The following ABI2 variants were observed in gnomAD, a reference collection of about 807,000 sequenced individuals.
ABI2 encodes abl interactor 2.
In ABI2, 25 loss-of-function variants were observed where a neutral mutation model predicts 59.2. The observed-to-expected ratio is 0.42, with a 90% CI of 0.31 to 0.59. The LOEUF is 0.59. Ranked by LOEUF, ABI2 falls within the 20% of genes least tolerant of loss-of-function variation. The pLI is 0.14. For synonymous variants in ABI2, 213 were observed against 235.5 expected, an observed-to-expected ratio of 0.90 and a Z score of 0.87; for missense variants, 545 against 681.8, an observed-to-expected ratio of 0.80 and a Z score of 2.23.
intron 6 of ABI2, 63 bp downstream of exon 6, chr2:203,394,909 T>C (rs2096910981): frequency 6.5e-7 from 1 of 1,540,626 alleles, no homozygotes; most frequent in African/African-American, 1.4e-5. Flanking sequence ...TCAGATTACT[T>C]CAGGTAAATC....
intron 1 of ABI2, among the ~76,000 whole-genome samples, chr2:203,348,209 G>A (rs1367407982): frequency 6.6e-6 from 1 of 152,136 alleles, no homozygotes; most frequent in Admixed American, 6.6e-5. Context: ...CCACTGCACT[G>A]TAGCCTGGGG....
chr2:203,378,814 GT>G (rs2095892182), intron 2 of ABI2, among the ~76,000 whole-genome samples: 1 of 152,076 alleles, frequency 6.6e-6, no homozygotes, highest in East Asian at 1.9e-4. Flanking sequence ...TTTTAGTGAA[GT>G]GATTTTTCAA....
chr2:203,336,326 A>G (rs1219828714), intron 1 of ABI2, among the ~76,000 whole-genome samples: 4 of 152,192 alleles, frequency 2.6e-5, no homozygotes, highest in Non-Finnish European at 5.9e-5. Context: ...GAAAAGATCA[A>G]CTGTTGTACC....
intron 8 of ABI2, among the ~76,000 whole-genome samples, chr2:203,401,329 CTTCTCCACCTGCTTAT>C (rs1253860184): frequency 6.6e-6 from 1 of 151,916 alleles, no homozygotes; most frequent in Non-Finnish European, 1.5e-5. Context: ...TTTCCGCTTT[CTTCTCCACCTGCTTAT>C]TTCTCCGCCT....
intron 6 of ABI2, among the ~76,000 whole-genome samples, 196 bp from the exon 7 acceptor site, chr2:203,395,460 C>T (rs1247131208): frequency 7.9e-4 from 113 of 143,820 alleles, no homozygotes; most frequent in African/African-American, 2.6e-3. Flanking sequence ...CACACACACA[C>T]ACACACACAC....
chr2:203,392,284 C>G (rs923544096), intron 5 of ABI2, among the ~76,000 whole-genome samples: 1 of 87,386 alleles, frequency 1.1e-5, no homozygotes, highest in African/African-American at 4.5e-5. Context: ...ATCACCACCA[C>G]CACCACCACC....
chr2:203,404,504 C>T (rs1298631896), intron 9 of ABI2, among the ~76,000 whole-genome samples: 2 of 152,210 alleles, frequency 1.3e-5, no homozygotes, highest in Non-Finnish European at 2.9e-5. Flanking sequence ...TTTTCAAACT[C>T]ACATTTGTTC....
At chr2:203,421,782 G>A (rs1401353573) in intron 11 of ABI2, among the ~76,000 whole-genome samples, 1 of 152,008 alleles carries the variant, frequency 6.6e-6, no homozygotes, top group East Asian at 1.9e-4. Flanking sequence ...CAGCCAACAT[G>A]GTGAAACCCC....
intron 1 of ABI2, among the ~76,000 whole-genome samples, chr2:203,340,129 C>T (rs1193321022): frequency 6.6e-6 from 1 of 152,138 alleles, no homozygotes; most frequent in Non-Finnish European, 1.5e-5. Context: ...CACAGAAAGA[C>T]AAATACCGTA....
Position 203,382,207 on chromosome 2 carries a change from G to A in ABI2, c.480+1G>A. On this transcript the variant is annotated splice_donor_variant, in intron 4 of 11. Coordinates refer to ENST00000261018, the MANE Select transcript of ABI2 (RefSeq NM_001375670.1). LOFTEE classifies it high-confidence loss of function. ...CATTAAGTGGTTGCTTAGATTTAAG[G>A]TAAGAGATTCCAGGGCTGGATTTCC... 1 of 1,527,386 alleles carries A rather than the reference G, an allele frequency of 6.5e-7. No individual in the cohort carries two copies. The highest frequency in any genetic ancestry group is 8.8e-7 in the Non-Finnish European group (1 of 1,142,802). 94.6% of individuals were successfully genotyped at this position (1,527,386 alleles called of 1,614,324 possible). A position where few individuals can be genotyped will look rare whatever the true frequency, so the allele number is the denominator to read the frequency against.
chr2:203,399,604 C>G (rs999932211), intron 8 of ABI2, among the ~76,000 whole-genome samples: 3 of 152,174 alleles, frequency 2.0e-5, no homozygotes, highest in Admixed American at 2.0e-4. Context: ...CAATCTCCGC[C>G]TCGCGGGTTC....
intron 1 of ABI2, among the ~76,000 whole-genome samples, chr2:203,350,891 T>TGTGC (rs1217974142): frequency 1.5e-3 from 190 of 124,234 alleles, no homozygotes; most frequent in African/African-American, 5.1e-3. Context: ...TGTGTGTGTG[T>TGTGC]GCGCGCGCGC....
chr2:203,350,158 C>T (rs1358495445), intron 1 of ABI2, among the ~76,000 whole-genome samples: 1 of 152,124 alleles, frequency 6.6e-6, no homozygotes, highest in Non-Finnish European at 1.5e-5. Context: ...CTCACTGTAA[C>T]CTCTGTCTCC....
intron 1 of ABI2, among the ~76,000 whole-genome samples, chr2:203,356,530 G>A (rs2092063486): frequency 1.3e-5 from 2 of 151,964 alleles, no homozygotes; most frequent in South Asian, 2.1e-4. Context: ...TGCCACGCCC[G>A]GCTAATTTTT....
rs1324707590 is a variant in ABI2 at position 203,376,112 on chromosome 2, T to G, written c.286-4096T>G. On this transcript the variant is annotated intron_variant, in intron 2 of 11. Transcript: ENST00000261018. ...TTTTGTGACCAAATTTGGAAACAAT[T>G]GCAGTTTGAGATTGAATGAGGTAAG... 2.0e-6 allele frequency: 3 copies of G among 1,534,388 alleles called. No individual in the cohort carries two copies. In the South Asian group the frequency reaches 3.6e-5, roughly 18 times the overall value.
At chr2:203,334,160 C>T (rs559404801) in intron 1 of ABI2, among the ~76,000 whole-genome samples, 3 of 151,986 alleles carry the variant, frequency 2.0e-5, no homozygotes, top group Non-Finnish European at 4.4e-5. Flanking sequence ...AGGCTGGTCT[C>T]GAATTCCTGA....
rs907909750 is a variant in ABI2 at position 203,354,083 on chromosome 2, C to T, written c.118-12794C>T. Among the ~76,000 whole-genome samples, 93 of 152,290 alleles carry T rather than the reference C, an allele frequency of 6.1e-4. 2 individuals are homozygous for T. The highest frequency in any genetic ancestry group is 3.4e-3 in the Middle Eastern group (1 of 294). ...TTTTTGAGACAAGGTTTGACTCTGT[C>T]GCCCAGGTTGGAGTGCGGTGGCGCA... On this transcript the variant is annotated intron_variant, in intron 1 of 11. Transcript: ENST00000261018.
intron 2 of ABI2, among the ~76,000 whole-genome samples, chr2:203,373,072 AGAG>A (rs2095406399): frequency 6.6e-6 from 1 of 152,206 alleles, no homozygotes; most frequent in Non-Finnish European, 1.5e-5. Flanking sequence ...GCGGCCGGGC[AGAG>A]GCTGCAATCT....
intron 9 of ABI2, 59 bp downstream of exon 9, chr2:203,402,793 A>G (rs2097273521): frequency 1.4e-6 from 2 of 1,407,444 alleles, no homozygotes; most frequent in Non-Finnish European, 1.9e-6. Flanking sequence ...ACCTTCAACT[A>G]CAAAAAACCC....
Sources: gnomAD v4.1 joint callset for allele counts (sites outside exome capture counted in the v4.1 genomes callset) on GRCh38, gnomAD v4.1.1 for gene constraint, MANE v1.5 for transcripts, NCBI Gene and HGNC (gene_info 2026-07-23, HGNC 2026-07-21) for gene names.